The following KCNH8 variants were observed in gnomAD, a reference collection of about 807,000 sequenced individuals.
KCNH8 encodes voltage-gated delayed rectifier potassium channel KCNH8.
In KCNH8, 70 loss-of-function variants were observed where a neutral mutation model predicts 103.6. That is an observed-to-expected ratio of 0.68 (90% confidence interval 0.56 to 0.82). The LOEUF is 0.82. Among genes scored for constraint, KCNH8 ranks in the 40% least tolerant of loss-of-function variants. The pLI is 0.00. For synonymous variants in KCNH8, 498 were observed against 489.4 expected, an observed-to-expected ratio of 1.02 and a Z score of -0.23; for missense variants, 1,217 against 1,329.9, an observed-to-expected ratio of 0.92 and a Z score of 1.32.
At chr3:19,266,753 C>T (rs2064518076) in intron 2 of KCNH8, among the ~76,000 whole-genome samples, 2 of 152,078 alleles carry the variant, frequency 1.3e-5, no homozygotes, top group South Asian at 2.1e-4. Context: ...ATGTTGTATA[C>T]GTCTCCCTAT....
rs1266876401 is a variant in KCNH8, at chr3:19,513,261, GAGA to G, written c.2376_2378del (p.Lys792del). On this transcript the variant is annotated inframe_deletion, in exon 13 of 16. Transcript: ENST00000328405. ...CCCCCCCAACCATAATAAAAGGAAA[GAGA>G]AGAACTTGAAATTGCAACTTTCAAC... 3.7e-6 allele frequency: 6 copies of G among 1,613,060 alleles called. No homozygotes were observed. The Middle Eastern group carries it at 6.6e-4, about 178-fold the overall frequency.
chr3:19,159,022 C>CT (rs1470132525), intron 1 of KCNH8, among the ~76,000 whole-genome samples: 1 of 151,770 alleles, frequency 6.6e-6, no homozygotes, highest in African/African-American at 2.4e-5. Flanking sequence ...TGAGTGTTTT[C>CT]TGGCTTGTTG....
chr3:19,494,859 CATTT>C (rs775531880), intron 11 of KCNH8, among the ~76,000 whole-genome samples: 173 of 151,964 alleles, frequency 1.1e-3, no homozygotes, highest in Non-Finnish European at 2.0e-3. Flanking sequence ...ACCTTGCTAG[CATTT>C]ATTTTTCAAC....
At chr3:19,442,970 A>G (rs2067304625) in intron 8 of KCNH8, among the ~76,000 whole-genome samples, 1 of 152,100 alleles carries the variant, frequency 6.6e-6, no homozygotes, top group Non-Finnish European at 1.5e-5. Flanking sequence ...GTTTAAATCC[A>G]GGACTCACTA....
intron 15 of KCNH8, among the ~76,000 whole-genome samples, chr3:19,531,372 G>T (rs1239939450): frequency 6.6e-6 from 1 of 152,304 alleles, no homozygotes; most frequent in South Asian, 2.1e-4. Context: ...TTGAAGCTTG[G>T]CAGGTAATGA....
intron 3 of KCNH8, among the ~76,000 whole-genome samples, chr3:19,298,921 CAAAAAAAA>C (rs56304109): frequency 1.3e-5 from 1 of 77,078 alleles, no homozygotes; most frequent in Non-Finnish European, 2.4e-5. Context: ...GACTCCGTCT[CAAAAAAAA>C]AAAAAAAAAA....
At chr3:19,441,438 T>G (rs1283993762) in intron 8 of KCNH8, among the ~76,000 whole-genome samples, 1 of 152,240 alleles carries the variant, frequency 6.6e-6, no homozygotes, top group East Asian at 1.9e-4. Context: ...CTTCTAAATC[T>G]TCCAACTGAT....
chr3:19,151,378 G>C (rs1198414116), intron 1 of KCNH8, among the ~76,000 whole-genome samples: 1 of 151,856 alleles, frequency 6.6e-6, no homozygotes, highest in African/African-American at 2.4e-5. Flanking sequence ...TGCTGAGTTG[G>C]TATAATTTTT....
chr3:19,261,147 T>C (rs1559448133), intron 2 of KCNH8, among the ~76,000 whole-genome samples: 1 of 151,540 alleles, frequency 6.6e-6, no homozygotes. Context: ...ATGGTAGTTC[T>C]ATTTTTAATT....
chr3:19,210,273 TTTTC>T (rs1432762685), intron 1 of KCNH8, among the ~76,000 whole-genome samples: 4 of 152,102 alleles, frequency 2.6e-5, no homozygotes, highest in African/African-American at 9.7e-5. Context: ...TCGATGTTTT[TTTTC>T]TTTCTTCTAC....
chr3:19,224,711 T>A (rs1307231309), intron 1 of KCNH8, among the ~76,000 whole-genome samples: 1 of 152,152 alleles, frequency 6.6e-6, no homozygotes, highest in African/African-American at 2.4e-5. Flanking sequence ...CAGCCTGTTT[T>A]GATTTTTGAC....
intron 1 of KCNH8, among the ~76,000 whole-genome samples, chr3:19,186,169 G>C (rs113814648): frequency 0.01 from 1,558 of 151,724 alleles, 31 homozygotes; most frequent in African/African-American, 0.035. Flanking sequence ...TTCTGGAATA[G>C]GTAAGTCTAC....
At chr3:19,363,671 A>G (rs2065974357) in intron 5 of KCNH8, among the ~76,000 whole-genome samples, 1 of 152,118 alleles carries the variant, frequency 6.6e-6, no homozygotes, top group Non-Finnish European at 1.5e-5. Flanking sequence ...AACTCTACTC[A>G]TATCAATGCT....
At chr3:19,357,137 C>T (rs1487409580) in intron 5 of KCNH8, among the ~76,000 whole-genome samples, 1 of 151,830 alleles carries the variant, frequency 6.6e-6, no homozygotes, top group Non-Finnish European at 1.5e-5. Context: ...GTGACCAAGT[C>T]TATCCAACAG....
intron 1 of KCNH8, among the ~76,000 whole-genome samples, chr3:19,150,868 A>C (rs1230822931): frequency 6.6e-6 from 1 of 152,160 alleles, no homozygotes; most frequent in African/African-American, 2.4e-5. Context: ...GAAATCTGAC[A>C]ATCAGAGAAG....
At chr3:19,154,999 T>C (rs1575399917) in intron 1 of KCNH8, among the ~76,000 whole-genome samples, 1 of 152,348 alleles carries the variant, frequency 6.6e-6, no homozygotes, top group South Asian at 2.1e-4. Flanking sequence ...ACTGGAGCAA[T>C]TGAAGAGCTT....
intron 1 of KCNH8, among the ~76,000 whole-genome samples, chr3:19,246,507 C>T (rs1028965883): frequency 6.6e-6 from 1 of 151,840 alleles, no homozygotes; most frequent in Non-Finnish European, 1.5e-5. Flanking sequence ...GATCTCTTGA[C>T]CTCATGATCC....
chr3:19,499,099 G>C (rs1242256581), intron 11 of KCNH8, among the ~76,000 whole-genome samples: 1 of 152,178 alleles, frequency 6.6e-6, no homozygotes, highest in Middle Eastern at 3.2e-3. Flanking sequence ...GCTTAAAGGA[G>C]CTGATGGAGC....
intron 1 of KCNH8, among the ~76,000 whole-genome samples, chr3:19,238,804 G>A (rs540831179): frequency 1.3e-5 from 2 of 152,110 alleles, no homozygotes; most frequent in African/African-American, 2.4e-5. Context: ...ATAGAATTTG[G>A]TACAAGTCTT....
Sources: allele counts gnomAD v4.1 joint callset (sites outside exome capture counted in the v4.1 genomes callset), GRCh38; gene constraint gnomAD v4.1.1; transcripts MANE v1.5; gene names NCBI Gene and HGNC (gene_info 2026-07-23, HGNC 2026-07-21).